Variants in ECH1 observed in about 807,000 individuals in gnomAD.
ECH1 encodes delta(3,5)-Delta(2,4)-dienoyl-CoA isomerase, mitochondrial.
ECH1 carries 30 observed loss-of-function variants against 37.0 expected under a neutral mutation model. The ratio of observed to expected loss-of-function variants is 0.81; its 90% CI spans 0.61 to 1.10. The LOEUF is 1.10. Among genes scored for constraint, ECH1 ranks in the 50% least tolerant of loss-of-function variants. The probability of loss-of-function intolerance (pLI) is 0.00; values close to 1 mark genes in which losing one functional copy is unlikely to be tolerated. For missense variants in ECH1, 456 were observed against 441.6 expected (o/e 1.03, Z -0.29); for synonymous variants, 178 against 176.0 (o/e 1.01, Z -0.09).
At chr19:38,816,545 T>A in intron 6 of ECH1, 22 bp from the exon 7 acceptor site, 1 of 1,613,728 alleles carries the variant, frequency 6.2e-7, no homozygotes, top group Non-Finnish European at 8.5e-7. Context: ...ATCGGGTCAG[T>A]GTTTGGTTTC....
chr19:38,829,205 A>C (rs1308375968), intron 3 of ECH1, among the ~76,000 whole-genome samples: 2 of 148,192 alleles, frequency 1.3e-5, no homozygotes, highest in Non-Finnish European at 1.5e-5. Flanking sequence ...GAATGGCTTG[A>C]ATCTGGGAGG....
intron 3 of ECH1, chr19:38,818,392 GCT>G: frequency 2.0e-6 from 2 of 985,348 alleles, no homozygotes; most frequent in Non-Finnish European, 2.4e-6. Flanking sequence ...AGCCCACCCT[GCT>G]CTCCCTGTTT....
chr19:38,827,730 G>A (rs1345647569), intron 3 of ECH1, among the ~76,000 whole-genome samples: 4 of 152,024 alleles, frequency 2.6e-5, no homozygotes, highest in Non-Finnish European at 4.4e-5. Flanking sequence ...GCAGTGGCAC[G>A]ACCACAGCTC....
Position 38,831,735 on chromosome 19 carries a change from T to C in ECH1, c.38A>G (p.Asp13Gly), listed in dbSNP as rs1344646330. 2 of 1,613,402 alleles carry C rather than the reference T, an allele frequency of 1.2e-6. No individual in the cohort carries two copies. The highest frequency in any genetic ancestry group is 3.3e-5 in the Admixed American group (2 of 59,968). ...AGGTGACTCACGCCGGGTCAGTAGG[T>C]CGCGGAGTCTGCGAGAAGCCACTAT... ...AGIVASRRLR[D>G]LLTRRLTGSN... The change falls in exon 1 of 10, where the codon GAC becomes GGC. Residue 13 changes from aspartate to glycine, a missense_variant. Asp to Gly is a moderately conservative substitution (Grantham distance 94, BLOSUM62 -1). Transcript: ENST00000221418.
At chr19:38,827,141 G>GGAAA (rs906553727) in intron 3 of ECH1, among the ~76,000 whole-genome samples, 2 of 148,582 alleles carry the variant, frequency 1.3e-5, no homozygotes, top group Non-Finnish European at 3.0e-5. Context: ...GAAAGGGGAG[G>GGAAA]GAAAGAAAGA....
In ECH1 at chr19:38,817,148, G is replaced by T; in HGVS notation, c.524-19C>A. 2 of 1,561,298 alleles carry T rather than the reference G, an allele frequency of 1.3e-6. No individual in the cohort carries two copies. On this transcript the variant is annotated intron_variant, in intron 5 of 9. Coordinates refer to ENST00000221418, the MANE Select transcript of ECH1 (RefSeq NM_001398.3). Reference sequence around the variant, plus strand: ...TCCACACCTAGGAGGTAGAGGCCAGGGATGCTGAATGACCACCAGAACCAA... The same window carrying T: ...TCCACACCTAGGAGGTAGAGGCCAGTGATGCTGAATGACCACCAGAACCAA...
chr19:38,822,086 G>C (rs1971671636), intron 3 of ECH1, among the ~76,000 whole-genome samples: 1 of 152,004 alleles, frequency 6.6e-6, no homozygotes, highest in Non-Finnish European at 1.5e-5. Flanking sequence ...TCTGTTTCTA[G>C]CTCAAGGTTT....
intron 3 of ECH1, among the ~76,000 whole-genome samples, chr19:38,829,005 C>T (rs1018073915): frequency 6.6e-6 from 1 of 151,344 alleles, no homozygotes; most frequent in Non-Finnish European, 1.5e-5. Flanking sequence ...ATACAACTGA[C>T]CAGGCACAGT....
At chr19:38,818,467 G>T (rs1291999022) in intron 3 of ECH1, 2 of 794,134 alleles carry the variant, frequency 2.5e-6, no homozygotes, top group Non-Finnish European at 3.0e-6. Context: ...CACCTTCTTG[G>T]GTCAGATCCT....
At chr19:38,817,802 C>G in intron 3 of ECH1, 1 of 963,916 alleles carries the variant, frequency 1.0e-6, no homozygotes, top group South Asian at 4.8e-5. Flanking sequence ...AGCAACCGTA[C>G]CAGCTAGGTC....
At chr19:38,831,225 A>C in intron 2 of ECH1, 59 bp from the exon 3 acceptor site, 1 of 1,611,602 alleles carries the variant, frequency 6.2e-7, no homozygotes. Context: ...CCTCATGTCC[A>C]TCTTCCCACA....
intron 9 of ECH1, 37 bp from the exon 10 acceptor site, chr19:38,815,754 G>T (rs1280655107): frequency 1.2e-6 from 2 of 1,613,982 alleles, no homozygotes; most frequent in East Asian, 4.5e-5. Context: ...CGAGGAGAGA[G>T]ATTAGCAGGG....
chr19:38,822,359 G>T (rs557113845), intron 3 of ECH1, among the ~76,000 whole-genome samples: 1 of 150,100 alleles, frequency 6.7e-6, no homozygotes, highest in African/African-American at 2.5e-5. Flanking sequence ...GACTCTTTAT[G>T]TCTAGCTAAG....
chr19:38,825,555 A>G (rs959002342), intron 3 of ECH1, among the ~76,000 whole-genome samples: 5 of 152,358 alleles, frequency 3.3e-5, no homozygotes, highest in African/African-American at 1.2e-4. Context: ...ATTTGGAGGC[A>G]TTATCAAAAC....
At chr19:38,819,006 T>TGTGTGTGTGTGTGC (rs1568357478) in intron 3 of ECH1, 1 of 351,176 alleles carries the variant, frequency 2.8e-6, no homozygotes, top group African/African-American at 2.8e-5. Flanking sequence ...TGTGTGTGTG[T>TGTGTGTGTGTGTGC]GTGCGGGCAC....
rs745734275 is a variant in ECH1 at position 38,831,154 on chromosome 19, C to G, written c.273G>C (p.Glu91Asp). ...CGTCTCTCGAAATCTTGTTGAAGCA[C>G]TCTACCATCTCTCTGTGAAGCAACG... Reference protein sequence around the residue: ...MNKVFWREMVECFNKISRDAD... With the variant: ...MNKVFWREMVDCFNKISRDAD... The change falls in exon 3 of 10, where the codon GAG (glutamate) becomes GAC (aspartate). Residue 91 changes from glutamate to aspartate, a missense_variant. Glu to Asp is a conservative substitution (Grantham distance 45, BLOSUM62 2). Transcript: ENST00000221418. The G allele has an allele frequency of 6.2e-7, 1 of 1,614,132 alleles. No individual in the cohort carries two copies. The highest frequency in any genetic ancestry group is 1.1e-5 in the South Asian group (1 of 91,082).
At chr19:38,820,957 C>T (rs1971652696) in intron 3 of ECH1, among the ~76,000 whole-genome samples, 1 of 152,264 alleles carries the variant, frequency 6.6e-6, no homozygotes, top group South Asian at 2.1e-4. Context: ...AACAAATGAA[C>T]AAGAGGAGGA....
At chr19:38,829,291 A>C (rs1971783564) in intron 3 of ECH1, among the ~76,000 whole-genome samples, 1 of 148,858 alleles carries the variant, frequency 6.7e-6, no homozygotes, top group Non-Finnish European at 1.5e-5. Context: ...TCTCCAAAAA[A>C]AAAAAAAAAA....
chr19:38,819,620 T>A (rs1353094938), intron 3 of ECH1, among the ~76,000 whole-genome samples: 1 of 152,084 alleles, frequency 6.6e-6, no homozygotes, highest in African/African-American at 2.4e-5. Flanking sequence ...ACAGTCCCTG[T>A]CCTCATGGGG....
Sources: allele counts gnomAD v4.1 joint callset (sites outside exome capture counted in the v4.1 genomes callset), GRCh38; gene constraint gnomAD v4.1.1; transcripts MANE v1.5; gene names NCBI Gene and HGNC (gene_info 2026-07-23, HGNC 2026-07-21).